Variants in DUXA observed in about 807,000 individuals in gnomAD.
The protein encoded by DUXA is double homeobox protein A.
DUXA carries 25 observed loss-of-function variants against 27.5 expected under a neutral mutation model. The ratio of observed to expected loss-of-function variants is 0.91; its 90% CI spans 0.66 to 1.27. The LOEUF (loss-of-function observed/expected upper bound fraction) is 1.27. DUXA is among the 50% of genes most tolerant of loss of function. DUXA has a pLI of 0.00. For synonymous variants in DUXA, 90 were observed against 80.5 expected (o/e 1.12, Z -0.63); for missense variants, 247 against 242.9 (o/e 1.02, Z -0.11).
intron 4 of DUXA, among the ~76,000 whole-genome samples, chr19:57,157,139 G>A (rs1264448025): frequency 6.6e-6 from 1 of 152,172 alleles, no homozygotes; most frequent in East Asian, 1.9e-4. Flanking sequence ...GACGAGGAAA[G>A]TAAAACGAAA....
rs1419124738 is a variant in DUXA at position 57,158,416 on chromosome 19, A to G, written c.350T>C (p.Ile117Thr). The G allele has an allele frequency of 6.2e-7, 1 of 1,613,936 alleles. No homozygotes were observed. Among genetic ancestry groups the G allele is most frequent in the African/African-American group, 1.3e-5 (1 of 75,026 alleles). ...ATATGGGTTTTTCATAAATGCCTTG[A>G]TGAGAGTGTGTAACTGAGAGGCGCT... ...TYSASQLHTL[I>T]KAFMKNPYPG... Residue 117 changes from isoleucine (I) to threonine (T), a missense_variant, in exon 4 of 6, where the codon ATC becomes ACC. Physicochemically the swap from Ile to Thr is moderately conservative, Grantham distance 89. Transcript: ENST00000554048.
At chr19:57,165,557 G>A (rs1342903216) in intron 1 of DUXA, among the ~76,000 whole-genome samples, 4 of 151,132 alleles carry the variant, frequency 2.6e-5, no homozygotes, top group South Asian at 2.1e-4. Context: ...TGTAATCCCA[G>A]CACTTTGGGA....
chr19:57,160,669 T>C lies in DUXA; in HGVS notation c.154A>G (p.Ile52Val). 1 of 1,613,364 alleles carries C rather than the reference T, an allele frequency of 6.2e-7. No individual in the cohort carries two copies. The highest frequency in any genetic ancestry group is 2.2e-5 in the East Asian group (1 of 44,880). ...YATKQKLALE[I>V]NTEESRIQIW... is the part of the protein sequence containing the mutation. ...TGGATTCTGGACTCTTCTGTATTGA[T>C]TTCTAAAGCAAGTTTTTGTTTGGTA... is the stretch of plus-strand genomic sequence containing the variant. Residue 52 changes from isoleucine (I) to valine (V), a missense_variant, in exon 2 of 6, where the codon ATC becomes GTC. By Grantham distance (29) the Ile-to-Val change is conservative. Transcript: ENST00000554048.
chr19:57,154,298 C>T lies in DUXA; in HGVS notation c.*114G>A. ...CCACCACATCTGGCCAAGTCCTTTACCATCTTCAGAAGGCTTAGCTTGCAG... is the reference window on the plus strand; with the variant it reads ...CCACCACATCTGGCCAAGTCCTTTATCATCTTCAGAAGGCTTAGCTTGCAG... On this transcript the variant is annotated 3_prime_UTR_variant, in exon 6 of 6. Transcript: ENST00000554048. The T allele has an allele frequency of 1.0e-6, 1 of 987,206 alleles. No homozygotes were observed. The allele number at this position is 987,206 out of a possible 1,614,324, so 61.2% of individuals were successfully genotyped here. A position where few individuals can be genotyped will look rare whatever the true frequency, so the allele number is the denominator to read the frequency against.
At chr19:57,155,583 T>C (rs2086988938) in intron 4 of DUXA, among the ~76,000 whole-genome samples, 1 of 151,546 alleles carries the variant, frequency 6.6e-6, no homozygotes, top group Non-Finnish European at 1.5e-5. Context: ...ATCTTGAACT[T>C]CTGAGCACAA....
intron 1 of DUXA, among the ~76,000 whole-genome samples, chr19:57,162,913 T>G (rs753009076): frequency 3.2e-4 from 49 of 152,080 alleles, no homozygotes; most frequent in Non-Finnish European, 6.8e-4. Context: ...AAGTTTCAAC[T>G]TTTACAAGCT....
chr19:57,159,380 G>A, intron 2 of DUXA, 102 bp from the exon 3 acceptor site: 2 of 999,066 alleles, frequency 2.0e-6, no homozygotes, highest in Non-Finnish European at 3.0e-6. Flanking sequence ...CCTAGGCCCA[G>A]GATTATTACT....
chr19:57,162,894 T>G (rs1223546994), intron 1 of DUXA, among the ~76,000 whole-genome samples: 1 of 152,070 alleles, frequency 6.6e-6, no homozygotes, highest in Non-Finnish European at 1.5e-5. Context: ...TGTATTTCAC[T>G]GAAGGGGGAA....
intron 3 of DUXA, 47 bp downstream of exon 3, chr19:57,159,120 G>C: frequency 1.9e-6 from 3 of 1,539,490 alleles, no homozygotes; most frequent in Non-Finnish European, 2.7e-6. Context: ...AGTTGGCTCC[G>C]CCGTAGAGAA....
At chr19:57,161,435 A>G (rs1053872277) in intron 1 of DUXA, among the ~76,000 whole-genome samples, 8 of 150,028 alleles carry the variant, frequency 5.3e-5, no homozygotes, top group Admixed American at 1.3e-4. Context: ...CATCCTGGCT[A>G]ACATGATGAA....
Position 57,154,823 on chromosome 19 carries a change from A to T in DUXA, c.545-341T>A, listed in dbSNP as rs1599929119. Among the ~76,000 whole-genome samples, 4 of 152,194 alleles carry T rather than the reference A, an allele frequency of 2.6e-5. No homozygotes were observed. In the South Asian group the frequency reaches 8.3e-4, roughly 32 times the overall value. Reference sequence around the variant, plus strand: ...CGTGATCCGCCCACCTCGGCCTCCCAAAGTGCTGGGATTACAGGCGTGAGC... The same window carrying T: ...CGTGATCCGCCCACCTCGGCCTCCCTAAGTGCTGGGATTACAGGCGTGAGC... On this transcript the variant is annotated intron_variant, in intron 5 of 5. Coordinates refer to ENST00000554048, the MANE Select transcript of DUXA (RefSeq NM_001012729.2).
At chr19:57,154,772 C>T (rs10421696) in intron 5 of DUXA, among the ~76,000 whole-genome samples, 33,323 of 151,842 alleles carry the variant, frequency 0.22, 4,384 homozygotes, top group African/African-American at 0.36. Context: ...ACCGTGTTAG[C>T]CAGGATGGTC....
intron 1 of DUXA, among the ~76,000 whole-genome samples, chr19:57,161,464 A>T (rs1362884519): frequency 6.7e-6 from 1 of 149,930 alleles, no homozygotes; most frequent in East Asian, 1.9e-4. Context: ...TCTACTAAAA[A>T]TACAAAAAAT....
chr19:57,162,825 T>C (rs1370102777), intron 1 of DUXA, among the ~76,000 whole-genome samples: 1 of 152,162 alleles, frequency 6.6e-6, no homozygotes, highest in Non-Finnish European at 1.5e-5. Flanking sequence ...CCACCCACCT[T>C]GGCCTACCAC....
intron 4 of DUXA, among the ~76,000 whole-genome samples, chr19:57,158,074 T>C (rs759740006): frequency 6.6e-5 from 10 of 152,098 alleles, no homozygotes; most frequent in South Asian, 2.1e-4. Context: ...CAACTTCTCA[T>C]TGGGTGTCAC....
chr19:57,155,685 T>G (rs1167897180), intron 4 of DUXA, among the ~76,000 whole-genome samples: 1 of 22,528 alleles, frequency 4.4e-5, no homozygotes, highest in African/African-American at 2.5e-4. Context: ...ACTTTTTTTT[T>G]TAATACGGAG....
At chr19:57,165,319 AAAAAAATATATAT>A (rs2087046350) in intron 1 of DUXA, among the ~76,000 whole-genome samples, 1 of 109,900 alleles carries the variant, frequency 9.1e-6, no homozygotes, top group African/African-American at 3.2e-5. Context: ...GAAAAAAAAA[AAAAAAATATATAT>A]ATATATATAT....
chr19:57,160,595 C>T (rs2087015416), intron 2 of DUXA, 48 bp downstream of exon 2: 2 of 1,601,990 alleles, frequency 1.2e-6, no homozygotes, highest in East Asian at 2.2e-5. Context: ...ATGGTTCTCT[C>T]TCCTGCCTTT....
At chr19:57,157,649 C>G (rs2086999053) in intron 4 of DUXA, among the ~76,000 whole-genome samples, 1 of 151,438 alleles carries the variant, frequency 6.6e-6, no homozygotes, top group Non-Finnish European at 1.5e-5. Flanking sequence ...ATAACTCTAA[C>G]CTCAGGGCAT....
Sources: gnomAD v4.1 joint callset for allele counts (sites outside exome capture counted in the v4.1 genomes callset) on GRCh38, gnomAD v4.1.1 for gene constraint, MANE v1.5 for transcripts, NCBI Gene and HGNC (gene_info 2026-07-23, HGNC 2026-07-21) for gene names.